The following PLCB3 variants were observed in gnomAD, a reference collection of about 807,000 sequenced individuals.
PLCB3 encodes phospholipase C beta 3.
Under a neutral mutation model 152.1 loss-of-function variants are expected in PLCB3, and 54 were observed. That is an observed-to-expected ratio of 0.36 (90% confidence interval 0.29 to 0.45). The LOEUF is 0.45. Ranked by LOEUF, PLCB3 falls within the 20% of genes least tolerant of loss-of-function variation. The pLI, the probability that PLCB3 is intolerant of heterozygous loss-of-function variation, is 1.00. For synonymous variants in PLCB3, 717 were observed against 698.7 expected (o/e 1.03, Z -0.41); for missense variants, 1,248 against 1,687.5 (o/e 0.74, Z 4.56).
chr11:64,266,310 T>C lies in PLCB3; in HGVS notation c.3267-5T>C, dbSNP rs200595498. 1.1e-4 allele frequency: 184 copies of C among 1,612,226 alleles called. No homozygotes were observed. The highest frequency in any genetic ancestry group is 1.5e-4 in the Non-Finnish European group (172 of 1,179,658). ...CCCCTCCTCTTCCCCTGCCGGCTTC[T>C]CCAGGGAGAAGAAGGAGCTGCAGAA... On this transcript the variant is annotated splice_region_variant and splice_polypyrimidine_tract_variant and intron_variant, in intron 27 of 30. Coordinates refer to ENST00000279230, the MANE Select transcript of PLCB3 (RefSeq NM_000932.5). The surrounding 1 kb of genome is among the most constrained non-coding windows in gnomAD (Gnocchi z 4.9).
chr11:64,252,479 T>C (rs2031265211), intron 1 of PLCB3, among the ~76,000 whole-genome samples: 1 of 152,152 alleles, frequency 6.6e-6, no homozygotes, highest in Non-Finnish European at 1.5e-5. Flanking sequence ...CCATCCTGGG[T>C]GCATCCTCTT....
In PLCB3 at chr11:64,262,670, C is replaced by T. The variant is rs554343782; in HGVS notation, c.2217C>T (p.Ser739=). The stretch of plus-strand genomic sequence containing the variant: ...AGGTGATCTCAGGGCAGTTCCTGTC[C>T]GACAGGAAGGTGGGCATCTACGTGG... ...RVKVISGQFL[S]DRKVGIYVEV... The change falls in exon 19 of 31, where the codon TCC becomes TCT. Residue 739 remains serine (S), a synonymous_variant. Coordinates refer to ENST00000279230, the MANE Select transcript of PLCB3 (RefSeq NM_000932.5). 1.6e-5 allele frequency: 26 copies of T among 1,613,958 alleles called. No individual in the cohort carries two copies. The highest frequency in any genetic ancestry group is 2.7e-5 in the African/African-American group (2 of 75,044).
In PLCB3 at chr11:64,256,379, C is replaced by A. The variant is rs374552275; in HGVS notation, c.702C>A (p.Gly234=). 3.1e-6 allele frequency: 5 copies of A among 1,612,850 alleles called. No individual in the cohort carries two copies. In the African/African-American group the frequency reaches 4.0e-5, roughly 13 times the overall value. Residue 234 remains glycine, a synonymous_variant, in exon 9 of 31, where the codon GGC becomes GGA. Transcript: ENST00000279230. ...CCCAGCTTCCTGTCCCCTCCAGAGG[C>A]GCCAAGGGCAAGCCATACCTGACGC... ...PDIDKILLEI[G]AKGKPYLTLE...
chr11:64,252,631 CTGGGGGGAGGAGA>C (rs1388509769), intron 1 of PLCB3, among the ~76,000 whole-genome samples: 2 of 152,056 alleles, frequency 1.3e-5, no homozygotes, highest in African/African-American at 2.4e-5. Flanking sequence ...GGCGTGGGAG[CTGGGGGGAGGAGA>C]TGGGGGCGTG....
intron 22 of PLCB3, 37 bp from the exon 23 acceptor site, chr11:64,264,914 G>T (rs1236423371): frequency 1.2e-6 from 2 of 1,609,700 alleles, no homozygotes; most frequent in South Asian, 2.2e-5. Context: ...GGAGGGAACA[G>T]CATTTCTGAA....
Position 64,266,676 on chromosome 11 carries a change from C to A in PLCB3, c.3414+124C>A. On this transcript the variant is annotated intron_variant, in intron 29 of 30. Coordinates refer to ENST00000279230, the MANE Select transcript of PLCB3 (RefSeq NM_000932.5). The surrounding 1 kb of genome is among the most constrained non-coding windows in gnomAD (Gnocchi z 4.9). ...TCTTCTAGGGCCTTTCTCAAGTGCCCAACAGCCCCAGGGTACCCACATCAT... is the reference window on the plus strand; with the variant it reads ...TCTTCTAGGGCCTTTCTCAAGTGCCAAACAGCCCCAGGGTACCCACATCAT... 1.1e-6 allele frequency: 1 copy of A among 896,504 alleles called. No individual in the cohort carries two copies. The allele number at this position is 896,504 out of a possible 1,614,324, so 55.5% of individuals were successfully genotyped here.
chr11:64,266,550 C>A lies in PLCB3; in HGVS notation c.3412C>A (p.Arg1138=). 1 of 1,613,756 alleles carries A rather than the reference C, an allele frequency of 6.2e-7. No homozygotes were observed. The highest frequency in any genetic ancestry group is 8.5e-7 in the Non-Finnish European group (1 of 1,179,876). Residue 1138 remains arginine, a splice_region_variant and synonymous_variant, in exon 29 of 31, where the codon CGG becomes AGG. Coordinates refer to ENST00000279230, the MANE Select transcript of PLCB3 (RefSeq NM_000932.5). This position sits in a 1 kb window ranked among gnomAD's most constrained non-coding sequence, Gnocchi z 4.9. ...CACTGAGTCAGTCAACTCCATCCGT[C>A]GGGTGAGTCAGGCTCCCGGGCCACC... ...HITESVNSIR[R]LEEAQKQRHD...
rs149507732 is a variant in PLCB3, at chr11:64,262,218, G to C, written c.2038+142G>C. ...GGGAACCCAGCTCCCGACTCACCCC[G>C]CCTCCTGCCCTTGGCTGATACCAGA... On this transcript the variant is annotated intron_variant, in intron 17 of 30. Coordinates refer to ENST00000279230, the MANE Select transcript of PLCB3 (RefSeq NM_000932.5). 238 of 1,342,198 alleles carry C rather than the reference G, an allele frequency of 1.8e-4. 3 individuals are homozygous for C. The African/African-American group carries it at 2.9e-3, about 16-fold the overall frequency. 83.1% of individuals were successfully genotyped at this position (1,342,198 alleles called of 1,614,324 possible). A position where few individuals can be genotyped will look rare whatever the true frequency, so the allele number is the denominator to read the frequency against.
intron 17 of PLCB3, 112 bp downstream of exon 17, chr11:64,262,188 C>T: frequency 6.9e-7 from 1 of 1,456,838 alleles, no homozygotes; most frequent in Non-Finnish European, 9.5e-7. Flanking sequence ...CATCCCAGAT[C>T]CCAGGGGAAC....
Position 64,267,766 on chromosome 11 carries a change from C to T in PLCB3, c.*210C>T. 1 of 530,944 alleles carries T rather than the reference C, an allele frequency of 1.9e-6. No individual in the cohort carries two copies. Among genetic ancestry groups the T allele is most frequent in the Non-Finnish European group, 3.3e-6 (1 of 303,458 alleles). The allele number at this position is 530,944 out of a possible 1,614,324, so 32.9% of individuals were successfully genotyped here. A position where few individuals can be genotyped will look rare whatever the true frequency, so the allele number is the denominator to read the frequency against. The stretch of plus-strand genomic sequence containing the variant: ...TCTTAGGTTAGGGCCTTGGTCAGGG[C>T]TTTGCTCCCTGTGACACCCACACCC... On this transcript the variant is annotated 3_prime_UTR_variant, in exon 31 of 31. Coordinates refer to ENST00000279230, the MANE Select transcript of PLCB3 (RefSeq NM_000932.5). The surrounding 1 kb of genome is among the most constrained non-coding windows in gnomAD (Gnocchi z 5.2).
chr11:64,266,518 G>T lies in PLCB3; in HGVS notation c.3380G>T (p.Arg1127Leu). Reference protein sequence around the residue: ...KEAELTEINRRHITESVNSIR... With the variant: ...KEAELTEINRLHITESVNSIR... ...AGGGAACTGACGGAGATTAACCGTC[G>T]GCACATCACTGAGTCAGTCAACTCC... Residue 1127 changes from arginine to leucine, a missense_variant, in exon 29 of 31, where the codon CGG becomes CTG. Arg to Leu is a moderately radical substitution (Grantham distance 102, BLOSUM62 -2). Coordinates refer to ENST00000279230, the MANE Select transcript of PLCB3 (RefSeq NM_000932.5). The surrounding 1 kb of genome is among the most constrained non-coding windows in gnomAD (Gnocchi z 4.9). 6.2e-7 allele frequency: 1 copy of T among 1,613,856 alleles called. No homozygotes were observed. Among genetic ancestry groups the T allele is most frequent in the Non-Finnish European group, 8.5e-7 (1 of 1,179,942 alleles).
Position 64,265,888 on chromosome 11 carries a change from G to A in PLCB3, c.3038G>A (p.Gly1013Asp), listed in dbSNP as rs61757725. 1.9e-6 allele frequency: 3 copies of A among 1,612,416 alleles called. No individual in the cohort carries two copies. Among genetic ancestry groups the A allele is most frequent in the East Asian group, 2.2e-5 (1 of 44,872 alleles). ...GRCRLRPGAL[G>D]GAADVEDTKE... ...ACCCAGAGGGGTTCTCCTCGCAGAG[G>A]TGGGGCCGCTGATGTGGAGGACACG... The change falls in exon 26 of 31, where the codon GGT (glycine) becomes GAT (aspartate). Residue 1013 changes from glycine (G) to aspartate (D), a missense_variant and splice_region_variant. Physicochemically the swap from Gly to Asp is moderately conservative, Grantham distance 94 (BLOSUM62 -1). Coordinates refer to ENST00000279230, the MANE Select transcript of PLCB3 (RefSeq NM_000932.5).
chr11:64,255,639 C>CGGGGTGGGGGGGGGGCACGGGGGG lies in PLCB3; in HGVS notation c.597+32_597+33insGGGGGGCACGGGGGGGGGGTGGGG. ...CGGGTGTGTGGGGTGGGGACAGGGGCGGGGTGGGGTGTCACGGTGGGCACC... is the reference window on the plus strand; with the variant it reads ...CGGGTGTGTGGGGTGGGGACAGGGGCGGGGTGGGGGGGGGGCACGGGGGGGGGGTGGGGTGTCACGGTGGGCACC... On this transcript the variant is annotated intron_variant, in intron 7 of 30. Transcript: ENST00000279230. This position sits in a 1 kb window ranked among gnomAD's most constrained non-coding sequence, Gnocchi z 6.8. The CGGGGTGGGGGGGGGGCACGGGGGG allele has an allele frequency of 1.6e-6, 1 of 645,152 alleles. No individual in the cohort carries two copies. Among genetic ancestry groups the CGGGGTGGGGGGGGGGCACGGGGGG allele is most frequent in the Non-Finnish European group, 2.7e-6 (1 of 370,448 alleles). 40.0% of individuals were successfully genotyped at this position (645,152 alleles called of 1,614,324 possible).
intron 21 of PLCB3, 89 bp downstream of exon 21, chr11:64,263,884 GC>G: frequency 8.1e-7 from 1 of 1,232,686 alleles, no homozygotes; most frequent in South Asian, 1.2e-5. Context: ...GAGCTGGATG[GC>G]CCCGACTGAG....
chr11:64,256,092 T>C (rs2031516202), intron 8 of PLCB3, among the ~76,000 whole-genome samples: 1 of 152,106 alleles, frequency 6.6e-6, no homozygotes, highest in Admixed American at 6.5e-5. Context: ...TCAGGTGTGT[T>C]GTGAGGTCTG....
At position 64,255,917 on chromosome 11, in the gene PLCB3, G is replaced by T; in HGVS notation, c.698+96G>T. 4 of 989,136 alleles carry T rather than the reference G, an allele frequency of 4.0e-6. No homozygotes were observed. Among genetic ancestry groups the T allele is most frequent in the Non-Finnish European group, 6.4e-6 (4 of 624,094 alleles). The allele number at this position is 989,136 out of a possible 1,614,324, so 61.3% of individuals were successfully genotyped here. On this transcript the variant is annotated intron_variant, in intron 8 of 30. Transcript: ENST00000279230. The surrounding 1 kb of genome is among the most constrained non-coding windows in gnomAD (Gnocchi z 6.8). ...CAATGGGGAGAGGGGAAACTGGTGGGCCGGGTCCTGGAGCGCCAGGGGGCG... is the reference window on the plus strand; with the variant it reads ...CAATGGGGAGAGGGGAAACTGGTGGTCCGGGTCCTGGAGCGCCAGGGGGCG...
intron 19 of PLCB3, 65 bp downstream of exon 19, chr11:64,262,873 G>C: frequency 6.5e-7 from 1 of 1,529,692 alleles, no homozygotes; most frequent in Non-Finnish European, 8.9e-7. Flanking sequence ...CCGACTCTCA[G>C]GTGGGAGAAC....
In PLCB3 at chr11:64,255,117, G is replaced by A; in HGVS notation, c.387+79G>A. 1 of 1,548,226 alleles carries A rather than the reference G, an allele frequency of 6.5e-7. No homozygotes were observed. The highest frequency in any genetic ancestry group is 8.9e-7 in the Non-Finnish European group (1 of 1,123,244). On this transcript the variant is annotated intron_variant, in intron 4 of 30. Transcript: ENST00000279230. This position sits in a 1 kb window ranked among gnomAD's most constrained non-coding sequence, Gnocchi z 6.8. ...GGCCGTCACTTACCGAACACCTGCT[G>A]TGTTCTAGGCTGCTCTGTGACCTAC...
At chr11:64,259,357 C>T (rs2031724273) in intron 13 of PLCB3, 113 bp downstream of exon 13, 8 of 916,898 alleles carry the variant, frequency 8.7e-6, no homozygotes, top group South Asian at 3.6e-5. Flanking sequence ...CCTCGCTGTG[C>T]GCCTGTTCCC....
Sources: gnomAD v4.1 joint callset for allele counts (sites outside exome capture counted in the v4.1 genomes callset) on GRCh38, gnomAD v4.1.1 for gene constraint, Gnocchi (gnomAD v3.1) non-coding constraint, MANE v1.5 for transcripts, NCBI Gene and HGNC (gene_info 2026-07-23, HGNC 2026-07-21) for gene names.